Variants in MROH1 observed in about 807,000 individuals in gnomAD.
The protein encoded by MROH1 is maestro heat like repeat family member 1.
A neutral mutation model predicts 116.5 loss-of-function variants in MROH1; 117 were observed. The ratio of observed to expected loss-of-function variants is 1.00; its 90% CI spans 0.86 to 1.17. The LOEUF (loss-of-function observed/expected upper bound fraction) is 1.17, where lower values mean the gene tolerates loss of function less well. MROH1 is among the 50% of genes most tolerant of loss of function. The pLI is 0.00. For synonymous variants in MROH1, 921 were observed against 583.9 expected (o/e 1.58, Z -8.32); for missense variants, 1,873 against 1,338.5 (o/e 1.40, Z -6.23).
intron 12 of MROH1, among the ~76,000 whole-genome samples, chr8:144,205,187 G>T (rs1832555748): frequency 6.6e-6 from 1 of 152,172 alleles, no homozygotes. Flanking sequence ...ATTGCACCCA[G>T]CCAGAAGTCA....
At chr8:144,158,103 C>T (rs1035368844) in intron 1 of MROH1, among the ~76,000 whole-genome samples, 1 of 151,080 alleles carries the variant, frequency 6.6e-6, no homozygotes, top group Non-Finnish European at 1.5e-5. Flanking sequence ...AGCAATTCTC[C>T]TGTCTCAGCC....
Position 144,239,746 on chromosome 8 carries a change from T to C in MROH1, c.1765T>C (p.Tyr589His). Residue 589 changes from tyrosine to histidine, a missense_variant, in exon 18 of 44, where the codon TAC (tyrosine) becomes CAC (histidine). By Grantham distance (83) the Tyr-to-His change is moderately conservative. Transcript: ENST00000326134. ...WETTVPLLLG[Y>H]LDEHTEETLP... ...AACGACTGTCCCGCTGCTGCTGGGG[T>C]ACCTGGATGGTGAGGCCAGGGTCAG... 1 of 717,948 alleles carries C rather than the reference T, an allele frequency of 1.4e-6. No individual in the cohort carries two copies. Among genetic ancestry groups the C allele is most frequent in the East Asian group, 2.7e-5 (1 of 37,318 alleles). The allele number at this position is 717,948 out of a possible 1,614,324, so 44.5% of individuals were successfully genotyped here.
intron 35 of MROH1, among the ~76,000 whole-genome samples, chr8:144,257,892 G>A (rs963935673): frequency 1.1e-4 from 17 of 152,388 alleles, no homozygotes; most frequent in Non-Finnish European, 8.8e-5. Flanking sequence ...TGAGGTGCTC[G>A]AGGGCAGCGG....
intron 13 of MROH1, among the ~76,000 whole-genome samples, chr8:144,221,700 G>T (rs1174318497): frequency 6.6e-6 from 1 of 152,050 alleles, no homozygotes; most frequent in Non-Finnish European, 1.5e-5. Flanking sequence ...AGGGTCTTTT[G>T]GTCCTTTTGG....
chr8:144,223,895 C>G (rs1157034049), intron 14 of MROH1, among the ~76,000 whole-genome samples: 2 of 152,216 alleles, frequency 1.3e-5, no homozygotes, highest in Non-Finnish European at 2.9e-5. Context: ...CACTGTGGTG[C>G]CCACTGTGCC....
At chr8:144,168,492 G>C in intron 4 of MROH1, 52 bp downstream of exon 4, 1 of 1,549,704 alleles carries the variant, frequency 6.5e-7, no homozygotes, top group Non-Finnish European at 8.7e-7. Flanking sequence ...GGTCGGTTGG[G>C]GCTTACTTGG....
intron 13 of MROH1, among the ~76,000 whole-genome samples, chr8:144,222,271 A>AGCAGCTCTCTTGGAGTTGGGGT (rs1415011588): frequency 1.3e-5 from 2 of 152,126 alleles, no homozygotes; most frequent in Non-Finnish European, 2.9e-5. Flanking sequence ...CCCTCAGCAG[A>AGCAGCTCTCTTGGAGTTGGGGT]GCAGCTCTCT....
chr8:144,206,035 A>C (rs1359771406), intron 12 of MROH1, among the ~76,000 whole-genome samples: 1 of 152,114 alleles, frequency 6.6e-6, no homozygotes, highest in African/African-American at 2.4e-5. Context: ...ACCTACACCT[A>C]CTGTTAAGAA....
In MROH1 at chr8:144,163,975, AG is replaced by A. The variant is rs1820164146; in HGVS notation, c.22+128del. On this transcript the variant is annotated intron_variant, in intron 3 of 43. Coordinates refer to ENST00000326134, the MANE Select transcript of MROH1 (RefSeq NM_032450.3). This position sits in a 1 kb window ranked among gnomAD's most constrained non-coding sequence, Gnocchi z 4.4. ...TTTCCACCCTATACTCGGGAGCCTG[AG>A]TGGGTTCTGGGCAGGTTGGGTGATG... 4 of 969,372 alleles carry A rather than the reference AG, an allele frequency of 4.1e-6. No homozygotes were observed. The highest frequency in any genetic ancestry group is 2.6e-5 in the Admixed American group (1 of 38,564). 60.0% of individuals were successfully genotyped at this position (969,372 alleles called of 1,614,324 possible). A position where few individuals can be genotyped will look rare whatever the true frequency, so the allele number is the denominator to read the frequency against.
intron 17 of MROH1, 72 bp downstream of exon 17, chr8:144,239,435 G>A: frequency 2.6e-6 from 2 of 779,242 alleles, no homozygotes; most frequent in Non-Finnish European, 4.8e-6. Context: ...GGCTTGGAAG[G>A]GGTTACCTTC....
chr8:144,251,845 C>T (rs1842888694), intron 33 of MROH1: 2 of 163,524 alleles, frequency 1.2e-5, no homozygotes, highest in African/African-American at 4.8e-5. Context: ...GTCACGGCCA[C>T]CTGACCGCCA....
In MROH1 at chr8:144,170,640, A is replaced by C. The variant is rs561369982; in HGVS notation, c.168+2200A>C. ...GAAAAGCAATGCCACATCCCCCTCCAGGCCTCAGATGTCAGCACAGTGTCC... is the reference window on the plus strand; with the variant it reads ...GAAAAGCAATGCCACATCCCCCTCCCGGCCTCAGATGTCAGCACAGTGTCC... On this transcript the variant is annotated intron_variant, in intron 4 of 43. Coordinates refer to ENST00000326134, the MANE Select transcript of MROH1 (RefSeq NM_032450.3). Among the ~76,000 whole-genome samples the C allele has an allele frequency of 8.5e-5, 13 of 152,356 alleles. No homozygotes were observed. The South Asian group carries it at 2.7e-3, about 32-fold the overall frequency.
chr8:144,181,140 A>G (rs977031372), intron 7 of MROH1, among the ~76,000 whole-genome samples: 1 of 152,150 alleles, frequency 6.6e-6, no homozygotes, highest in Non-Finnish European at 1.5e-5. Flanking sequence ...CCGGTGTCCC[A>G]TGTCAGGAAG....
At chr8:144,235,411 G>A (rs1039790418) in intron 14 of MROH1, among the ~76,000 whole-genome samples, 191 of 152,184 alleles carry the variant, frequency 1.3e-3, no homozygotes, top group Middle Eastern at 3.4e-3. Flanking sequence ...AAATCGGTGC[G>A]AGCAGACAGC....
Position 144,191,824 on chromosome 8 carries a change from A to G in MROH1, c.824A>G (p.Lys275Arg). ...CTCCCTGGGATTCTCGCCCTCTACA[A>G]GAAGCACGCAGAGACCTTCTACTTG... ...KLLPGILALYKKHAETFYLSK... is the reference protein window; with the variant it reads ...KLLPGILALYRKHAETFYLSK... The change falls in exon 9 of 44, where the codon AAG becomes AGG. Residue 275 changes from lysine (K) to arginine (R), a missense_variant. By Grantham distance (26) the Lys-to-Arg change is conservative (BLOSUM62 2). Coordinates refer to ENST00000326134, the MANE Select transcript of MROH1 (RefSeq NM_032450.3). 6.2e-7 allele frequency: 1 copy of G among 1,613,576 alleles called. No individual in the cohort carries two copies. The highest frequency in any genetic ancestry group is 1.1e-5 in the South Asian group (1 of 91,074).
At chr8:144,240,457 C>G in intron 19 of MROH1, 113 bp from the exon 20 acceptor site, 1 of 700,856 alleles carries the variant, frequency 1.4e-6, no homozygotes, top group Non-Finnish European at 2.6e-6. Flanking sequence ...CCGGCCTCCG[C>G]TGGAAGGCGG....
chr8:144,252,978 T>TCA (rs1843087431), intron 33 of MROH1, among the ~76,000 whole-genome samples: 2 of 102,754 alleles, frequency 1.9e-5, no homozygotes, highest in African/African-American at 6.9e-5. Context: ...AAAATTTATT[T>TCA]CATATATATA....
Position 144,239,894 on chromosome 8 carries a change from TAC to T in MROH1, c.1774+141_1774+142del, listed in dbSNP as rs1840675986. On this transcript the variant is annotated intron_variant, in intron 18 of 43. Coordinates refer to ENST00000326134, the MANE Select transcript of MROH1 (RefSeq NM_032450.3). ...GGACTAGGGTTGTATAATTGGAAAATACAGTCTCCCCTGTTGTCCAAGAAAGG... is the reference window on the plus strand; with the variant it reads ...GGACTAGGGTTGTATAATTGGAAAATAGTCTCCCCTGTTGTCCAAGAAAGG... 4 of 672,734 alleles carry T rather than the reference TAC, an allele frequency of 5.9e-6. No homozygotes were observed. The East Asian group carries it at 8.1e-5, about 14-fold the overall frequency. 41.7% of individuals were successfully genotyped at this position (672,734 alleles called of 1,614,324 possible). A position where few individuals can be genotyped will look rare whatever the true frequency, so the allele number is the denominator to read the frequency against.
chr8:144,238,819 C>A lies in MROH1; in HGVS notation c.1402C>A (p.Arg468Ser). 2.6e-6 allele frequency: 2 copies of A among 775,094 alleles called. No individual in the cohort carries two copies. Among genetic ancestry groups the A allele is most frequent in the Non-Finnish European group, 4.8e-6 (2 of 417,816 alleles). 48.0% of individuals were successfully genotyped at this position (775,094 alleles called of 1,614,324 possible). ...KADSVRAISV[R>S]TLYLVSTTVD... is the part of the protein sequence containing the mutation. ...CGACAGCGTGCGGGCCATCAGCGTG[C>A]GCACCCTCTACCTGGTCAGCACCAC... The change falls in exon 15 of 44, where the codon CGC becomes AGC. Residue 468 changes from arginine to serine, a missense_variant. Arg to Ser is a moderately radical substitution (Grantham distance 110). Transcript: ENST00000326134.
Sources: gnomAD v4.1 joint callset for allele counts (sites outside exome capture counted in the v4.1 genomes callset) on GRCh38, gnomAD v4.1.1 for gene constraint, Gnocchi (gnomAD v3.1) non-coding constraint, MANE v1.5 for transcripts, NCBI Gene and HGNC (gene_info 2026-07-23, HGNC 2026-07-21) for gene names.